The following CTNNA3 variants were observed in gnomAD, a reference collection of about 807,000 sequenced individuals.
The protein encoded by CTNNA3 is catenin alpha 3, also known as catenin alpha-3.
A neutral mutation model predicts 95.7 loss-of-function variants in CTNNA3; 76 were observed. The ratio of observed to expected loss-of-function variants is 0.79; its 90% CI spans 0.66 to 0.96. The LOEUF is 0.96. CTNNA3 is among the 40% of genes least tolerant of loss of function. CTNNA3 has a pLI of 0.00. For missense variants in CTNNA3, 1,191 were observed against 1,089.8 expected, an observed-to-expected ratio of 1.09 and a Z score of -1.31; for synonymous variants, 431 against 374.4, an observed-to-expected ratio of 1.15 and a Z score of -1.74.
At chr10:66,471,653 T>G (rs1029666723) in intron 11 of CTNNA3, among the ~76,000 whole-genome samples, 1 of 151,900 alleles carries the variant, frequency 6.6e-6, no homozygotes, top group Non-Finnish European at 1.5e-5. Flanking sequence ...ATAATTTAAT[T>G]AACAACATAT....
At chr10:67,471,005 C>T (rs1165975701) in intron 5 of CTNNA3, among the ~76,000 whole-genome samples, 1 of 151,500 alleles carries the variant, frequency 6.6e-6, no homozygotes, top group African/African-American at 2.4e-5. Flanking sequence ...TTGTAGAGAC[C>T]AGGTTTCACC....
At chr10:67,328,938 A>G (rs1472224494) in intron 5 of CTNNA3, among the ~76,000 whole-genome samples, 1 of 152,222 alleles carries the variant, frequency 6.6e-6, no homozygotes, top group Non-Finnish European at 1.5e-5. Context: ...TTTTCATTGT[A>G]CCATAAATGT....
At chr10:66,273,062 A>G (rs556259462) in intron 13 of CTNNA3, among the ~76,000 whole-genome samples, 7 of 152,272 alleles carry the variant, frequency 4.6e-5, no homozygotes, top group African/African-American at 1.7e-4. Context: ...TAGAAGATTC[A>G]TTCTTACTGT....
At chr10:67,524,395 C>CAAAAAAAAA (rs200850487) in intron 4 of CTNNA3, among the ~76,000 whole-genome samples, 12 of 70,302 alleles carry the variant, frequency 1.7e-4, no homozygotes, top group Non-Finnish European at 2.9e-4. Flanking sequence ...GACTCTGTCT[C>CAAAAAAAAA]AAAAAAAAAA....
At chr10:67,204,661 G>A (rs751112689) in intron 6 of CTNNA3, among the ~76,000 whole-genome samples, 14 of 152,140 alleles carry the variant, frequency 9.2e-5, no homozygotes, top group Admixed American at 2.6e-4. Context: ...ATGACAGTCC[G>A]GAAACGACCC....
At chr10:67,281,600 G>A (rs1183137029) in intron 5 of CTNNA3, among the ~76,000 whole-genome samples, 1 of 151,974 alleles carries the variant, frequency 6.6e-6, no homozygotes, top group Non-Finnish European at 1.5e-5. Flanking sequence ...ATTCAGCAGG[G>A]ACTCCTTATT....
chr10:66,112,329 G>A (rs2082151461), intron 13 of CTNNA3, among the ~76,000 whole-genome samples: 1 of 152,034 alleles, frequency 6.6e-6, no homozygotes, highest in Non-Finnish European at 1.5e-5. Flanking sequence ...ATGCAAATAA[G>A]ATGTATGTCT....
chr10:66,852,246 T>G (rs1352338874), intron 7 of CTNNA3, among the ~76,000 whole-genome samples: 2 of 152,172 alleles, frequency 1.3e-5, no homozygotes, highest in Admixed American at 6.6e-5. Context: ...ATTACTGAAA[T>G]TCAATGGCTG....
At chr10:67,739,489 C>A (rs1420000844) in intron 1 of CTNNA3, among the ~76,000 whole-genome samples, 1 of 152,076 alleles carries the variant, frequency 6.6e-6, no homozygotes, top group Non-Finnish European at 1.5e-5. Flanking sequence ...GTGCAAAAAT[C>A]ACAAGCATTC....
chr10:67,018,436 T>C (rs1852796055), intron 7 of CTNNA3, among the ~76,000 whole-genome samples: 3 of 152,242 alleles, frequency 2.0e-5, no homozygotes, highest in African/African-American at 7.2e-5. Context: ...GTATTTTGCA[T>C]TTCTAGTATG....
At chr10:66,840,573 T>C (rs557674847) in intron 7 of CTNNA3, among the ~76,000 whole-genome samples, 37 of 152,292 alleles carry the variant, frequency 2.4e-4, no homozygotes, top group Middle Eastern at 6.8e-3. Context: ...CAAGGTTGGA[T>C]GAGTGAAAGA....
chr10:67,377,847 G>A (rs1217514617), intron 5 of CTNNA3, among the ~76,000 whole-genome samples: 1 of 152,006 alleles, frequency 6.6e-6, no homozygotes, highest in Non-Finnish European at 1.5e-5. Context: ...TCATCCTACA[G>A]TGCTAGAGAA....
At chr10:67,348,112 T>C (rs2620933) in intron 5 of CTNNA3, among the ~76,000 whole-genome samples, 132,464 of 152,142 alleles carry the variant, frequency 0.87, 59,302 homozygotes, top group East Asian at 1. Flanking sequence ...TGCAAAAACA[T>C]GAAATTGAAC....
chr10:65,960,396 G>T (rs528556988), intron 17 of CTNNA3, among the ~76,000 whole-genome samples: 111 of 152,156 alleles, frequency 7.3e-4, no homozygotes, highest in African/African-American at 2.5e-3. Context: ...GCCGTGGGGG[G>T]CACCTGTAGT....
At chr10:66,078,792 A>G (rs1333106608) in intron 14 of CTNNA3, among the ~76,000 whole-genome samples, 1 of 151,962 alleles carries the variant, frequency 6.6e-6, no homozygotes, top group Non-Finnish European at 1.5e-5. Context: ...CTGACAATAT[A>G]GAAATCCTCA....
At chr10:67,564,677 G>GTGTGTGTGTATATA (rs1488656262) in intron 3 of CTNNA3, among the ~76,000 whole-genome samples, 1 of 61,334 alleles carries the variant, frequency 1.6e-5, no homozygotes, top group African/African-American at 6.4e-5. Flanking sequence ...GTGTGTGTGT[G>GTGTGTGTGTATATA]TATATATATA....
intron 11 of CTNNA3, among the ~76,000 whole-genome samples, chr10:66,476,679 A>G (rs970341393): frequency 2.0e-5 from 3 of 152,078 alleles, no homozygotes; most frequent in African/African-American, 7.2e-5. Flanking sequence ...TTCATTTTAT[A>G]ATTCACAATG....
chr10:66,116,835 A>G (rs553792227), intron 13 of CTNNA3, among the ~76,000 whole-genome samples: 1 of 152,282 alleles, frequency 6.6e-6, no homozygotes, highest in African/African-American at 2.4e-5. Flanking sequence ...AGACAGAGCC[A>G]AGGGGGAAGC....
At chr10:66,282,789 C>A (rs1294197206) in intron 12 of CTNNA3, among the ~76,000 whole-genome samples, 1 of 151,814 alleles carries the variant, frequency 6.6e-6, no homozygotes, top group Non-Finnish European at 1.5e-5. Context: ...CATGTTAATA[C>A]AGTGTTTACA....
Sources: gnomAD v4.1 joint callset for allele counts (sites outside exome capture counted in the v4.1 genomes callset) on GRCh38, gnomAD v4.1.1 for gene constraint, MANE v1.5 for transcripts, NCBI Gene and HGNC (gene_info 2026-07-23, HGNC 2026-07-21) for gene names.